Variants in KCNS3 observed in about 807,000 individuals in gnomAD.
KCNS3 encodes potassium voltage-gated channel modifier subfamily S member 3.
A neutral mutation model predicts 31.0 loss-of-function variants in KCNS3; 13 were observed. The observed-to-expected ratio is 0.42, with a 90% confidence interval of 0.27 to 0.67. KCNS3 has a LOEUF of 0.67. KCNS3 is among the 30% of genes least tolerant of loss of function. The pLI, the probability that KCNS3 is intolerant of heterozygous loss-of-function variation, is 0.25. For synonymous variants in KCNS3, 238 were observed against 241.5 expected (o/e 0.99, Z 0.13); for missense variants, 545 against 622.4 (o/e 0.88, Z 1.32).
At position 17,899,434 on chromosome 2, in the gene KCNS3, CT is replaced by C. The variant is rs58521828; in HGVS notation, c.-251-18245del. 1.1e-4 allele frequency among the ~76,000 whole-genome samples: 17 copies of C among 151,720 alleles called. No individual in the cohort carries two copies. In the East Asian group the frequency reaches 1.7e-3, roughly 16 times the overall value. On this transcript the variant is annotated intron_variant, in intron 1 of 2. Coordinates refer to ENST00000304101, the MANE Select transcript of KCNS3 (RefSeq NM_002252.5). ...CTTTTGCTGTCAGTCATCTATCTATCTATCATCTATTTATCAACAGATGAAG... is the reference window on the plus strand; with the variant it reads ...CTTTTGCTGTCAGTCATCTATCTATCATCATCTATTTATCAACAGATGAAG...
At chr2:17,887,033 C>T (rs1661680324) in intron 1 of KCNS3, among the ~76,000 whole-genome samples, 1 of 152,178 alleles carries the variant, frequency 6.6e-6, no homozygotes, top group African/African-American at 2.4e-5. Context: ...ATTTTCTTCT[C>T]CCAGCCTCTC....
At chr2:17,894,630 G>A (rs915257586) in intron 1 of KCNS3, among the ~76,000 whole-genome samples, 1 of 152,206 alleles carries the variant, frequency 6.6e-6, no homozygotes, top group Non-Finnish European at 1.5e-5. Context: ...AGAAAGCCAC[G>A]TTTTACTCCA....
chr2:17,921,476 A>G lies in KCNS3; in HGVS notation c.-60+3605A>G, dbSNP rs764871419. ...AAAAATTAACAATGATTTTTTTTATAATATCAAGTATCTAGTTGGTTTTTG... is the reference window on the plus strand; with the variant it reads ...AAAAATTAACAATGATTTTTTTTATGATATCAAGTATCTAGTTGGTTTTTG... On this transcript the variant is annotated intron_variant, in intron 2 of 2. Transcript: ENST00000304101. 4.4e-4 allele frequency among the ~76,000 whole-genome samples: 67 copies of G among 152,198 alleles called. 1 individual carries two copies. The highest frequency in any genetic ancestry group is 1.9e-4 in the Non-Finnish European group (13 of 68,036).
At chr2:17,921,915 G>GTATATATATATATATATATATA (rs56064218) in intron 2 of KCNS3, among the ~76,000 whole-genome samples, 4 of 32,806 alleles carry the variant, frequency 1.2e-4, no homozygotes, top group African/African-American at 1.2e-4. Flanking sequence ...GTGTGTGTGT[G>GTATATATATATATATATATATA]TATATATATA....
chr2:17,899,859 G>A (rs1662126700), intron 1 of KCNS3, among the ~76,000 whole-genome samples: 1 of 152,228 alleles, frequency 6.6e-6, no homozygotes, highest in Non-Finnish European at 1.5e-5. Context: ...CACAGAAAGG[G>A]CATGAGGTGA....
chr2:17,911,960 C>A (rs1251092989), intron 1 of KCNS3, among the ~76,000 whole-genome samples: 1 of 152,148 alleles, frequency 6.6e-6, no homozygotes, highest in Non-Finnish European at 1.5e-5. Context: ...AAGCACAGGG[C>A]CAGACTTAGT....
chr2:17,899,709 A>T (rs991891079), intron 1 of KCNS3, among the ~76,000 whole-genome samples: 1 of 152,244 alleles, frequency 6.6e-6, no homozygotes, highest in African/African-American at 2.4e-5. Flanking sequence ...AGTAAGCACT[A>T]TATAAAGGTT....
chr2:17,906,978 C>CT (rs1659325504), intron 1 of KCNS3, among the ~76,000 whole-genome samples: 1 of 152,100 alleles, frequency 6.6e-6, no homozygotes, highest in African/African-American at 2.4e-5. Flanking sequence ...ATTGGGTCTG[C>CT]TTGGTGCAGA....
chr2:17,895,988 A>G (rs1035609655), intron 1 of KCNS3, among the ~76,000 whole-genome samples: 3 of 152,158 alleles, frequency 2.0e-5, no homozygotes, highest in Non-Finnish European at 2.9e-5. Flanking sequence ...CTGGGAAGCT[A>G]TTGAAGATTT....
At chr2:17,891,040 T>C (rs775929940) in intron 1 of KCNS3, among the ~76,000 whole-genome samples, 3 of 152,166 alleles carry the variant, frequency 2.0e-5, no homozygotes, top group South Asian at 2.1e-4. Flanking sequence ...TCCCCTGATA[T>C]TGTTGCTGTC....
At chr2:17,900,634 C>T (rs774865764) in intron 1 of KCNS3, among the ~76,000 whole-genome samples, 5 of 151,924 alleles carry the variant, frequency 3.3e-5, no homozygotes, top group African/African-American at 9.7e-5. Flanking sequence ...GGACTACAGG[C>T]GTGTGCCACC....
chr2:17,923,015 G>C (rs976274498), intron 2 of KCNS3, among the ~76,000 whole-genome samples: 2 of 152,122 alleles, frequency 1.3e-5, no homozygotes, highest in African/African-American at 4.8e-5. Flanking sequence ...TTTGAGGAAT[G>C]GGCTTAAACT....
chr2:17,930,819 A>G (rs1662942768), intron 2 of KCNS3, 131 bp from the exon 3 acceptor site: 4 of 579,024 alleles, frequency 6.9e-6, no homozygotes, highest in Non-Finnish European at 1.2e-5. Context: ...ATGCATAATA[A>G]TGTATTCATT....
At chr2:17,916,483 A>G (rs1662588767) in intron 1 of KCNS3, among the ~76,000 whole-genome samples, 3 of 152,314 alleles carry the variant, frequency 2.0e-5, no homozygotes, top group East Asian at 1.9e-4. Flanking sequence ...GTTCCATCTT[A>G]TAAGTTCAGT....
chr2:17,902,125 A>G (rs1662190018), intron 1 of KCNS3, among the ~76,000 whole-genome samples: 2 of 152,230 alleles, frequency 1.3e-5, no homozygotes, highest in South Asian at 2.1e-4. Flanking sequence ...GAATTGCAGA[A>G]GCAGAGGAGG....
chr2:17,931,921 C>T lies in KCNS3; in HGVS notation c.913C>T (p.Arg305Trp), dbSNP rs766302945. 2.7e-5 allele frequency: 43 copies of T among 1,613,966 alleles called. No homozygotes were observed. The highest frequency in any genetic ancestry group is 3.2e-5 in the Non-Finnish European group (38 of 1,180,010). The change falls in exon 3 of 3, where the codon CGG (arginine) becomes TGG (tryptophan). Residue 305 changes from arginine (R) to tryptophan (W), a missense_variant. Coordinates refer to ENST00000304101, the MANE Select transcript of KCNS3 (RefSeq NM_002252.5). This position sits in a 1 kb window ranked among gnomAD's most constrained non-coding sequence, Gnocchi z 5.4. The stretch of plus-strand genomic sequence containing the variant: ...GATTTTCCGAATTCTAAAGCTTGCC[C>T]GGCACTCGGTAGGACTTCGGTCTCT... ...MRIFRILKLA[R>W]HSVGLRSLGA...
At chr2:17,902,807 A>G (rs1305214916) in intron 1 of KCNS3, among the ~76,000 whole-genome samples, 6 of 152,226 alleles carry the variant, frequency 3.9e-5, no homozygotes, top group Non-Finnish European at 7.3e-5. Context: ...TGATGATCTT[A>G]TCAGCCAGCA....
At chr2:17,890,853 T>A (rs1274352720) in intron 1 of KCNS3, among the ~76,000 whole-genome samples, 5 of 152,180 alleles carry the variant, frequency 3.3e-5, no homozygotes, top group African/African-American at 1.2e-4. Flanking sequence ...CATCATATGG[T>A]CTATCTTGGA....
At chr2:17,902,436 T>C (rs1235328418) in intron 1 of KCNS3, among the ~76,000 whole-genome samples, 1 of 152,114 alleles carries the variant, frequency 6.6e-6, no homozygotes, top group Non-Finnish European at 1.5e-5. Context: ...AATAGTACTT[T>C]ATTTGTCCTT....
Sources: allele counts gnomAD v4.1 joint callset (sites outside exome capture counted in the v4.1 genomes callset), GRCh38; gene constraint gnomAD v4.1.1; non-coding constraint Gnocchi (gnomAD v3.1); transcripts MANE v1.5; gene names NCBI Gene and HGNC (gene_info 2026-07-23, HGNC 2026-07-21).